Variants in NOX3 observed in about 807,000 individuals in gnomAD.
The protein encoded by NOX3 is NADPH oxidase 3, also known as NADPH oxidase catalytic subunit-like 3.
A neutral mutation model predicts 76.7 loss-of-function variants in NOX3; 74 were observed. The ratio of observed to expected loss-of-function variants is 0.96; its 90% CI spans 0.80 to 1.17. The LOEUF (loss-of-function observed/expected upper bound fraction) is 1.17. Ranked by LOEUF, NOX3 falls within the 50% of genes most tolerant of loss-of-function variation. The pLI is 0.00. For missense variants in NOX3, 695 were observed against 703.3 expected, an observed-to-expected ratio of 0.99 and a Z score of 0.13; for synonymous variants, 263 against 261.1, an observed-to-expected ratio of 1.01 and a Z score of -0.07.
intron 4 of NOX3, among the ~76,000 whole-genome samples, chr6:155,447,347 TA>T (rs1408507318): frequency 6.6e-6 from 1 of 152,234 alleles, no homozygotes; most frequent in Non-Finnish European, 1.5e-5. Flanking sequence ...TTATATTTTA[TA>T]ACGTTCTTCT....
At chr6:155,438,529 G>A (rs1562469188) in intron 6 of NOX3, among the ~76,000 whole-genome samples, 1 of 152,196 alleles carries the variant, frequency 6.6e-6, no homozygotes, top group Non-Finnish European at 1.5e-5. Flanking sequence ...GACCACGGGA[G>A]AAGTCTTAGG....
chr6:155,441,359 A>G (rs1422454610), intron 5 of NOX3, among the ~76,000 whole-genome samples: 1 of 152,228 alleles, frequency 6.6e-6, no homozygotes, highest in Admixed American at 6.5e-5. Flanking sequence ...TATGTCTCAA[A>G]CATTTAAAAT....
chr6:155,429,529 A>ATC (rs1776804662), intron 8 of NOX3, among the ~76,000 whole-genome samples: 1 of 152,328 alleles, frequency 6.6e-6, no homozygotes, highest in African/African-American at 2.4e-5. Flanking sequence ...GTGAAAAACA[A>ATC]TCTTCAAACT....
At chr6:155,427,564 C>T (rs1218527379) in intron 9 of NOX3, among the ~76,000 whole-genome samples, 1 of 152,216 alleles carries the variant, frequency 6.6e-6, no homozygotes, top group African/African-American at 2.4e-5. Flanking sequence ...TCAGGAACTT[C>T]CATTTGAAGT....
chr6:155,399,735 T>C (rs1317154752), intron 12 of NOX3, among the ~76,000 whole-genome samples: 3 of 152,108 alleles, frequency 2.0e-5, no homozygotes, highest in Non-Finnish European at 4.4e-5. Flanking sequence ...CTTCCCTTTT[T>C]TTTTTTTCTT....
intron 12 of NOX3, 40 bp downstream of exon 12, chr6:155,407,090 A>G (rs772791991): frequency 1.9e-6 from 3 of 1,612,834 alleles, no homozygotes; most frequent in Non-Finnish European, 2.5e-6. Flanking sequence ...ATTTCTCCAG[A>G]GAAGAGCCTG....
rs1488358219 is a variant in NOX3 at position 155,422,733 on chromosome 6, G to A, written c.1269C>T (p.Tyr423=). The A allele has an allele frequency of 1.9e-6, 3 of 1,614,052 alleles. No individual in the cohort carries two copies. The highest frequency in any genetic ancestry group is 2.5e-6 in the Non-Finnish European group (3 of 1,180,018). The change falls in exon 10 of 14, where the codon TAC becomes TAT. Residue 423 remains tyrosine (Y), a synonymous_variant. Transcript: ENST00000159060. ...GTGGGGTCTGTGCCTCACTGCATTT[G>A]TACCATATAGATTTCAGAAGAGCAG... ...PFAALLKSIW[Y]KCSEAQTPLK...
chr6:155,424,539 G>A (rs2114691101), intron 9 of NOX3, among the ~76,000 whole-genome samples: 1 of 152,330 alleles, frequency 6.6e-6, no homozygotes, highest in East Asian at 1.9e-4. Flanking sequence ...ACCGGAGGTT[G>A]GCCCATTTGA....
At chr6:155,416,231 C>T (rs992017799) in intron 10 of NOX3, among the ~76,000 whole-genome samples, 6 of 152,192 alleles carry the variant, frequency 3.9e-5, no homozygotes, top group Non-Finnish European at 7.3e-5. Context: ...AAGAACAGAA[C>T]AGACAGAAGC....
chr6:155,414,465 T>G (rs1006740987), intron 10 of NOX3, among the ~76,000 whole-genome samples: 19 of 152,166 alleles, frequency 1.2e-4, no homozygotes, highest in African/African-American at 4.6e-4. Flanking sequence ...ATTTCATAGC[T>G]GATCTCAGAG....
At chr6:155,407,102 C>A in intron 12 of NOX3, 28 bp downstream of exon 12, 4 of 1,613,428 alleles carry the variant, frequency 2.5e-6, no homozygotes, top group Non-Finnish European at 3.4e-6. Context: ...AAGAGCCTGG[C>A]AGGGAGAGGA....
chr6:155,426,364 A>T (rs537205731), intron 9 of NOX3, among the ~76,000 whole-genome samples: 2 of 152,300 alleles, frequency 1.3e-5, no homozygotes, highest in South Asian at 4.1e-4. Flanking sequence ...CTTCCATTCT[A>T]GTGTGGAGAG....
At chr6:155,445,349 G>A (rs1777046979) in intron 4 of NOX3, among the ~76,000 whole-genome samples, 1 of 152,190 alleles carries the variant, frequency 6.6e-6, no homozygotes, top group South Asian at 2.1e-4. Context: ...GATCCTCCGT[G>A]GTTGTACATT....
intron 4 of NOX3, among the ~76,000 whole-genome samples, chr6:155,446,477 C>T (rs923545241): frequency 2.6e-5 from 4 of 152,130 alleles, no homozygotes; most frequent in African/African-American, 7.2e-5. Context: ...TTTAACCCTC[C>T]TCAGGTATCA....
chr6:155,416,227 AG>A (rs778054437), intron 10 of NOX3, among the ~76,000 whole-genome samples: 1 of 152,248 alleles, frequency 6.6e-6, no homozygotes, highest in Non-Finnish European at 1.5e-5. Context: ...AAGAAAGAAC[AG>A]AACAGACAGA....
chr6:155,409,371 T>C (rs1203491385), intron 11 of NOX3, among the ~76,000 whole-genome samples: 2 of 152,102 alleles, frequency 1.3e-5, no homozygotes, highest in Non-Finnish European at 2.9e-5. Context: ...ACACAGCTAG[T>C]GAGTGGGAGT....
At chr6:155,442,374 G>T (rs6557421) in intron 5 of NOX3, among the ~76,000 whole-genome samples, 30,783 of 152,208 alleles carry the variant, frequency 0.2, 3,479 homozygotes, top group East Asian at 0.34. Flanking sequence ...GACATGACAT[G>T]GAACAAGTGT....
intron 10 of NOX3, among the ~76,000 whole-genome samples, chr6:155,414,943 T>C (rs1182438095): frequency 1.3e-5 from 2 of 152,168 alleles, no homozygotes; most frequent in Non-Finnish European, 2.9e-5. Flanking sequence ...CTTGTAGATA[T>C]AGTGGATGCC....
chr6:155,402,986 A>G (rs573625850), intron 12 of NOX3, among the ~76,000 whole-genome samples: 117 of 152,350 alleles, frequency 7.7e-4, no homozygotes, highest in African/African-American at 2.8e-3. Context: ...GGGAACAAAC[A>G]TATCCTTGAC....
Sources: gnomAD v4.1 joint callset for allele counts (sites outside exome capture counted in the v4.1 genomes callset) on GRCh38, gnomAD v4.1.1 for gene constraint, MANE v1.5 for transcripts, NCBI Gene and HGNC (gene_info 2026-07-23, HGNC 2026-07-21) for gene names.